Variants in SPATA31E1 observed in about 807,000 individuals in gnomAD.
SPATA31E1 encodes the protein SPATA31 subfamily E member 1.
SPATA31E1 carries 7 observed loss-of-function variants against 12.9 expected under a neutral mutation model. That is an observed-to-expected ratio of 0.54 (90% CI 0.31 to 1.02). SPATA31E1 has a LOEUF of 1.02. Ranked by LOEUF, SPATA31E1 falls within the 50% of genes least tolerant of loss-of-function variation. SPATA31E1 has a pLI of 0.05. For missense variants in SPATA31E1, 1,961 were observed against 1,799.8 expected (o/e 1.09, Z -1.62); for synonymous variants, 771 against 719.0 (o/e 1.07, Z -1.16).
At chr9:87,883,864 GCA>G in intron 1 of SPATA31E1, 126 bp from the exon 2 acceptor site, 1 of 990,332 alleles carries the variant, frequency 1.0e-6, no homozygotes, top group Non-Finnish European at 1.5e-6. Context: ...TGAGTAAAAA[GCA>G]CACACAGAGC....
At position 87,888,620 on chromosome 9, in the gene SPATA31E1, G is replaced by C; in HGVS notation, c.4133G>C (p.Ser1378Thr). ...AGAGAGATGAGAGCTCTGGCCTGCA[G>C]CCCTAAAGCCACCCCCAAGGGCCAC... ...RSREMRALAC[S>T]PKATPKGHHC... Residue 1378 changes from serine to threonine, a missense_variant, in exon 4 of 4, where the codon AGC becomes ACC. Coordinates refer to ENST00000325643, the MANE Select transcript of SPATA31E1 (RefSeq NM_178828.5). 6.2e-7 allele frequency: 1 copy of C among 1,614,070 alleles called. No homozygotes were observed. The highest frequency in any genetic ancestry group is 8.5e-7 in the Non-Finnish European group (1 of 1,180,030).
At position 87,885,638 on chromosome 9, in the gene SPATA31E1, A is replaced by T. The variant is rs768027216; in HGVS notation, c.1151A>T (p.Lys384Ile). The stretch of plus-strand genomic sequence containing the variant: ...AAGATGTGGCAGGAGAAAGAAAGAA[A>T]ACGGGCCGACCACCCGCACATGACA... ...LMKMWQEKER[K>I]RADHPHMTSL... Residue 384 changes from lysine to isoleucine, a missense_variant, in exon 4 of 4, where the codon AAA becomes ATA. Transcript: ENST00000325643. 3.7e-6 allele frequency: 6 copies of T among 1,613,818 alleles called. No individual in the cohort carries two copies. Among genetic ancestry groups the T allele is most frequent in the Non-Finnish European group, 5.1e-6 (6 of 1,180,000 alleles).
rs765228019 is a variant in SPATA31E1 at position 87,882,881 on chromosome 9, G to A, written c.-11G>A. 9.9e-6 allele frequency: 16 copies of A among 1,608,274 alleles called. No individual in the cohort carries two copies. The Admixed American group carries it at 1.0e-4, about 10-fold the overall frequency. On this transcript the variant is annotated 5_prime_UTR_variant, in exon 1 of 4. Transcript: ENST00000325643. ...CAAAGGGGATGCCCAGAGCTCAGTTGCTTGAAGGCGATGGGAAATCTCGTC... is the reference window on the plus strand; with the variant it reads ...CAAAGGGGATGCCCAGAGCTCAGTTACTTGAAGGCGATGGGAAATCTCGTC...
chr9:87,886,890 C>T lies in SPATA31E1; in HGVS notation c.2403C>T (p.Thr801=). Residue 801 remains threonine (T), a synonymous_variant, in exon 4 of 4, where the codon ACC becomes ACT. Coordinates refer to ENST00000325643, the MANE Select transcript of SPATA31E1 (RefSeq NM_178828.5). ...MAKCAVPKSD[T]HRKPGKLASW... ...AATGTGCTGTTCCCAAGTCTGACACCCACAGGAAACCTGGGAAGCTGGCAT... is the reference window on the plus strand; with the variant it reads ...AATGTGCTGTTCCCAAGTCTGACACTCACAGGAAACCTGGGAAGCTGGCAT... The T allele has an allele frequency of 6.2e-7, 1 of 1,614,108 alleles. No individual in the cohort carries two copies. Among genetic ancestry groups the T allele is most frequent in the Non-Finnish European group, 8.5e-7 (1 of 1,180,026 alleles).
chr9:87,886,709 G>A lies in SPATA31E1; in HGVS notation c.2222G>A (p.Arg741Gln), dbSNP rs772004451. ...DEDKEAEGDL[R>Q]RSWKYQSVSS... is the part of the protein sequence containing the mutation. ...GACAAGGAGGCAGAAGGTGACTTAC[G>A]GAGGTCCTGGAAGTACCAATCAGTA... Residue 741 changes from arginine to glutamine, a missense_variant, in exon 4 of 4, where the codon CGG (arginine) becomes CAG (glutamine). Coordinates refer to ENST00000325643, the MANE Select transcript of SPATA31E1 (RefSeq NM_178828.5). 111 of 1,613,844 alleles carry A rather than the reference G, an allele frequency of 6.9e-5. No homozygotes were observed. The Admixed American group carries it at 1.3e-3, about 18-fold the overall frequency.
rs1002916559 is a variant in SPATA31E1 at position 87,887,325 on chromosome 9, A to G, written c.2838A>G (p.Ser946=). ...GSQSADTHGR[S]EAFPTGHKGR... is the part of the protein sequence containing the mutation. ...AGTCAGCTGATACCCATGGGCGATC[A>G]GAGGCCTTTCCGACTGGACACAAGG... Residue 946 remains serine (S), a synonymous_variant, in exon 4 of 4, where the codon TCA becomes TCG. Transcript: ENST00000325643. 4 of 1,613,682 alleles carry G rather than the reference A, an allele frequency of 2.5e-6. No homozygotes were observed. The highest frequency in any genetic ancestry group is 2.7e-5 in the African/African-American group (2 of 74,906).
At chr9:87,884,537 A>G (rs1828227350) in intron 2 of SPATA31E1, 54 bp from the exon 3 acceptor site, 4 of 1,599,218 alleles carry the variant, frequency 2.5e-6, no homozygotes, top group African/African-American at 1.3e-5. Flanking sequence ...CTCAGCCTCC[A>G]TGAGGTTCCC....
chr9:87,888,464 T>C lies in SPATA31E1; in HGVS notation c.3977T>C (p.Ile1326Thr). Residue 1326 changes from isoleucine to threonine, a missense_variant, in exon 4 of 4, where the codon ATC becomes ACC. Coordinates refer to ENST00000325643, the MANE Select transcript of SPATA31E1 (RefSeq NM_178828.5). ...ACCATCAGCAGAGTTGTGGGACAAA[T>C]CCTGGTGGACAAACTGGGGCTTCAG... ...AWTISRVVGQ[I>T]LVDKLGLQWG... The C allele has an allele frequency of 6.2e-7, 1 of 1,614,084 alleles. No homozygotes were observed. Among genetic ancestry groups the C allele is most frequent in the Non-Finnish European group, 8.5e-7 (1 of 1,179,998 alleles).
rs749144077 is a variant in SPATA31E1 at position 87,885,455 on chromosome 9, A to G, written c.968A>G (p.His323Arg). ...ATTWGLSTYS[H>R]GKSQPRHLPD... is the part of the protein sequence containing the mutation. Reference sequence around the variant, plus strand: ...ACCTGGGGCCTCTCCACCTACTCACATGGCAAATCCCAGCCACGGCATCTT... The same window carrying G: ...ACCTGGGGCCTCTCCACCTACTCACGTGGCAAATCCCAGCCACGGCATCTT... The change falls in exon 4 of 4, where the codon CAT (histidine) becomes CGT (arginine). Residue 323 changes from histidine (H) to arginine (R), a missense_variant. Transcript: ENST00000325643. The G allele has an allele frequency of 7.4e-6, 12 of 1,613,916 alleles. 2 individuals carry two copies. The South Asian group carries it at 1.2e-4, about 16-fold the overall frequency.
rs1288348796 is a variant in SPATA31E1, at chr9:87,886,699, G to C, written c.2212G>C (p.Gly738Arg). The stretch of plus-strand genomic sequence containing the variant: ...TCTGGACGAAGACAAGGAGGCAGAA[G>C]GTGACTTACGGAGGTCCTGGAAGTA... ...KALDEDKEAE[G>R]DLRRSWKYQS... Residue 738 changes from glycine (G) to arginine (R), a missense_variant, in exon 4 of 4, where the codon GGT (glycine) becomes CGT (arginine). Gly to Arg is a moderately radical substitution (Grantham distance 125). Transcript: ENST00000325643. The C allele has an allele frequency of 6.2e-7, 1 of 1,613,942 alleles. No homozygotes were observed.
Position 87,888,161 on chromosome 9 carries a change from C to T in SPATA31E1, c.3674C>T (p.Ser1225Phe). 6.2e-7 allele frequency: 1 copy of T among 1,612,534 alleles called. No individual in the cohort carries two copies. Among genetic ancestry groups the T allele is most frequent in the South Asian group, 1.1e-5 (1 of 91,026 alleles). The change falls in exon 4 of 4, where the codon TCT becomes TTT. Residue 1225 changes from serine to phenylalanine, a missense_variant. Transcript: ENST00000325643. ...QGHRSKGPRT[S>F]EASGRSHPAQ... ...CACAGGTCCAAGGGACCCAGGACCT[C>T]TGAAGCCAGTGGGAGGAGCCACCCT...
At position 87,887,138 on chromosome 9, in the gene SPATA31E1, G is replaced by C. The variant is rs778800039; in HGVS notation, c.2651G>C (p.Arg884Pro). 6.2e-7 allele frequency: 1 copy of C among 1,614,052 alleles called. No homozygotes were observed. Among genetic ancestry groups the C allele is most frequent in the Non-Finnish European group, 8.5e-7 (1 of 1,180,016 alleles). ...TFTPWASWVS[R>P]VESVPKVPIF... The stretch of plus-strand genomic sequence containing the variant: ...ACCCCCTGGGCCTCCTGGGTATCTC[G>C]GGTTGAATCTGTACCCAAGGTTCCC... The change falls in exon 4 of 4, where the codon CGG becomes CCG. Residue 884 changes from arginine (R) to proline (P), a missense_variant. Transcript: ENST00000325643.
chr9:87,888,324 A>G lies in SPATA31E1; in HGVS notation c.3837A>G (p.Gly1279=). ...CACAGGGTCTACACCCCAGGAAAGG[A>G]GGCACACGGTGGGAAGATGTCCTGC... The part of the protein sequence containing the change: ...HHPQGLHPRK[G]GTRWEDVLQK... The change falls in exon 4 of 4, where the codon GGA becomes GGG. Residue 1279 remains glycine, a synonymous_variant. Coordinates refer to ENST00000325643, the MANE Select transcript of SPATA31E1 (RefSeq NM_178828.5). 2 of 1,614,176 alleles carry G rather than the reference A, an allele frequency of 1.2e-6. No homozygotes were observed. The highest frequency in any genetic ancestry group is 1.1e-5 in the South Asian group (1 of 91,082).
rs747218304 is a variant in SPATA31E1, at chr9:87,888,181, C to T, written c.3694C>T (p.His1232Tyr). The change falls in exon 4 of 4, where the codon CAC (histidine) becomes TAC (tyrosine). Residue 1232 changes from histidine to tyrosine, a missense_variant. His to Tyr is a moderately conservative substitution (Grantham distance 83). Transcript: ENST00000325643. Reference sequence around the variant, plus strand: ...GACCTCTGAAGCCAGTGGGAGGAGCCACCCTGCCCAAGCCAGGGAAATAGG... The same window carrying T: ...GACCTCTGAAGCCAGTGGGAGGAGCTACCCTGCCCAAGCCAGGGAAATAGG... Reference protein sequence around the residue: ...PRTSEASGRSHPAQAREIGDK... With the variant: ...PRTSEASGRSYPAQAREIGDK... 3 of 1,613,402 alleles carry T rather than the reference C, an allele frequency of 1.9e-6. No individual in the cohort carries two copies. The highest frequency in any genetic ancestry group is 2.5e-6 in the Non-Finnish European group (3 of 1,179,896).
chr9:87,884,568 T>A, intron 2 of SPATA31E1, 23 bp from the exon 3 acceptor site: 1 of 1,614,064 alleles, frequency 6.2e-7, no homozygotes, highest in Non-Finnish European at 8.5e-7. Flanking sequence ...CTCTCCACCA[T>A]AACCCTGTCT....
rs546986946 is a variant in SPATA31E1 at position 87,885,861 on chromosome 9, T to C, written c.1374T>C (p.Ser458=). 4.8e-4 allele frequency: 767 copies of C among 1,613,988 alleles called. 6 individuals carry two copies. In the South Asian group the frequency reaches 8.1e-3, roughly 17 times the overall value. Residue 458 remains serine (S), a synonymous_variant, in exon 4 of 4, where the codon TCT becomes TCC. Coordinates refer to ENST00000325643, the MANE Select transcript of SPATA31E1 (RefSeq NM_178828.5). ...CCCTGGCGACCACAGTCTGGGTTTC[T>C]AGGAACCCTTCCTCACAGAATGCAC... ...SESLATTVWV[S]RNPSSQNAHS...
chr9:87,883,084 A>G lies in SPATA31E1; in HGVS notation c.193A>G (p.Met65Val). Residue 65 changes from methionine to valine, a missense_variant, in exon 1 of 4, where the codon ATG (methionine) becomes GTG (valine). Physicochemically the swap from Met to Val is conservative, Grantham distance 21 (BLOSUM62 1). Transcript: ENST00000325643. The stretch of plus-strand genomic sequence containing the variant: ...GCTGAGCCCTAGCTCCACTCCCTGG[A>G]TGATGGATTTCATCCTCACCAGTGT... Reference protein sequence around the residue: ...TWLSPSSTPWMMDFILTSVCG... With the variant: ...TWLSPSSTPWVMDFILTSVCG... 1 of 1,611,962 alleles carries G rather than the reference A, an allele frequency of 6.2e-7. No individual in the cohort carries two copies. The highest frequency in any genetic ancestry group is 8.5e-7 in the Non-Finnish European group (1 of 1,179,214).
rs117138407 is a variant in SPATA31E1 at position 87,885,153 on chromosome 9, C to T, written c.666C>T (p.Ser222=). The change falls in exon 4 of 4, where the codon TCC becomes TCT. Residue 222 remains serine, a synonymous_variant. Transcript: ENST00000325643. ...PFGPHSTLSA[S]GPPEPLLPLK... ...GACCACACTCAACCCTGAGTGCCTC[C>T]GGGCCACCAGAGCCCTTGCTTCCCC... is the stretch of plus-strand genomic sequence containing the variant. 2,210 of 1,614,178 alleles carry T rather than the reference C, an allele frequency of 1.4e-3. 1 individual carries two copies. Among genetic ancestry groups the T allele is most frequent in the Non-Finnish European group, 1.8e-3 (2,091 of 1,180,026 alleles).
In SPATA31E1 at chr9:87,887,449, G is replaced by A. The variant is rs780515703; in HGVS notation, c.2962G>A (p.Gly988Arg). 77 of 1,613,918 alleles carry A rather than the reference G, an allele frequency of 4.8e-5. No homozygotes were observed. In the East Asian group the frequency reaches 1.2e-3, roughly 24 times the overall value. ...ESGKPKPRLE[G>R]SMGSEMAGNE... is the part of the protein sequence containing the mutation. ...CGGGAAACCCAAACCCAGACTAGAG[G>A]GGAGTATGGGTTCAGAAATGGCTGG... The change falls in exon 4 of 4, where the codon GGG becomes AGG. Residue 988 changes from glycine (G) to arginine (R), a missense_variant. By Grantham distance (125) the Gly-to-Arg change is moderately radical. Coordinates refer to ENST00000325643, the MANE Select transcript of SPATA31E1 (RefSeq NM_178828.5).
Sources: allele counts gnomAD v4.1 joint callset, GRCh38; gene constraint gnomAD v4.1.1; transcripts MANE v1.5; gene names NCBI Gene and HGNC (gene_info 2026-07-23, HGNC 2026-07-21).